MAF: variants seen among roughly 807,000 people sequenced by gnomAD.
The protein encoded by MAF is transcription factor Maf.
MAF carries 10 observed loss-of-function variants against 22.0 expected under a neutral mutation model. The ratio of observed to expected loss-of-function variants is 0.45; its 90% CI spans 0.28 to 0.77. The LOEUF (loss-of-function observed/expected upper bound fraction) is 0.77, where lower values mean the gene tolerates loss of function less well. Ranked by LOEUF, MAF falls within the 30% of genes least tolerant of loss-of-function variation. MAF has a pLI of 0.12. For missense variants in MAF, 544 were observed against 548.4 expected, an observed-to-expected ratio of 0.99 and a Z score of 0.08; for synonymous variants, 337 against 255.8, an observed-to-expected ratio of 1.32 and a Z score of -3.03.
chr16:79,574,422 A>G, the MAF span, among the ~76,000 whole-genome samples: 4 of 152,188 alleles, frequency 2.6e-5, no homozygotes, highest in African/African-American at 9.6e-5. Flanking sequence ...AACTAAATAC[A>G]TTATTCTCTT....
chr16:79,515,724 C>A, the MAF span, among the ~76,000 whole-genome samples: 7,457 of 152,200 alleles, frequency 0.049, 207 homozygotes, highest in South Asian at 0.062. Flanking sequence ...TGGGCATGAA[C>A]GTGAGACCTG....
chr16:79,525,684 G>C, the MAF span, among the ~76,000 whole-genome samples: 1 of 152,064 alleles, frequency 6.6e-6, no homozygotes, highest in East Asian at 1.9e-4. Context: ...AAACACACCT[G>C]GTGTTTAAAG....
the MAF span, among the ~76,000 whole-genome samples, chr16:79,300,153 C>A: frequency 1.3e-5 from 2 of 152,170 alleles, no homozygotes; most frequent in African/African-American, 4.8e-5. Flanking sequence ...TCATGTTAGG[C>A]ATAATGGCTA....
chr16:79,471,359 TA>T, the MAF span, among the ~76,000 whole-genome samples: 1 of 152,204 alleles, frequency 6.6e-6, no homozygotes, highest in African/African-American at 2.4e-5. Context: ...TTTCCAGATG[TA>T]AAAAACTAAG....
chr16:79,238,013 C>T, the MAF span, among the ~76,000 whole-genome samples: 1 of 152,082 alleles, frequency 6.6e-6, no homozygotes, highest in Non-Finnish European at 1.5e-5. Flanking sequence ...GCCTGTGTCA[C>T]CTTTTGACCT....
chr16:79,304,087 T>C, the MAF span, among the ~76,000 whole-genome samples: 1 of 152,196 alleles, frequency 6.6e-6, no homozygotes, highest in Non-Finnish European at 1.5e-5. Context: ...CAAGATGCAA[T>C]AACAAATACA....
chr16:79,238,564 G>C, the MAF span, among the ~76,000 whole-genome samples: 1 of 152,098 alleles, frequency 6.6e-6, no homozygotes, highest in South Asian at 2.1e-4. Flanking sequence ...GAAGCCTAAA[G>C]TCTCCCTGGG....
the MAF span, among the ~76,000 whole-genome samples, chr16:79,372,842 T>G: frequency 6.6e-6 from 1 of 152,164 alleles, no homozygotes; most frequent in Non-Finnish European, 1.5e-5. Context: ...GATTTTCCTT[T>G]CAGACACTCA....
downstream of MAF, among the ~76,000 whole-genome samples, chr16:79,584,472 C>G (rs2143685721): frequency 6.6e-6 from 1 of 152,346 alleles, no homozygotes; most frequent in African/African-American, 2.4e-5. Context: ...ATGTTCACAG[C>G]TGAAATTTGA....
chr16:79,422,197 C>T, the MAF span, among the ~76,000 whole-genome samples: 1 of 152,114 alleles, frequency 6.6e-6, no homozygotes, highest in African/African-American at 2.4e-5. Flanking sequence ...GGTTTCTCTG[C>T]TTTATTTTGT....
chr16:79,209,886 G>T, the MAF span, among the ~76,000 whole-genome samples: 1 of 152,188 alleles, frequency 6.6e-6, no homozygotes, highest in Non-Finnish European at 1.5e-5. Flanking sequence ...AGGAAATTTG[G>T]ATGACATGAA....
chr16:79,354,754 C>T, the MAF span, among the ~76,000 whole-genome samples: 25 of 152,248 alleles, frequency 1.6e-4, no homozygotes, highest in South Asian at 2.9e-3. Context: ...CCACTTTGAG[C>T]GGGATTTCCA....
the MAF span, among the ~76,000 whole-genome samples, chr16:79,389,247 C>T: frequency 6.6e-6 from 1 of 152,088 alleles, no homozygotes; most frequent in Admixed American, 6.5e-5. Flanking sequence ...GGCTGAAGAT[C>T]GCTCTTTATT....
chr16:79,241,259 T>C, the MAF span, among the ~76,000 whole-genome samples: 1 of 152,016 alleles, frequency 6.6e-6, no homozygotes, highest in East Asian at 1.9e-4. Flanking sequence ...TAAAGGAGCA[T>C]GTTCTAACCC....
the MAF span, among the ~76,000 whole-genome samples, chr16:79,403,746 A>T: frequency 6.6e-6 from 1 of 152,220 alleles, no homozygotes; most frequent in Non-Finnish European, 1.5e-5. Flanking sequence ...AACATAGGAA[A>T]AACATACGAT....
the MAF span, among the ~76,000 whole-genome samples, chr16:79,386,600 G>A: frequency 6.6e-6 from 1 of 152,090 alleles, no homozygotes; most frequent in South Asian, 2.1e-4. Flanking sequence ...CGGTGGATGG[G>A]GACTCCTGTA....
At chr16:79,228,007 G>A in the MAF span, among the ~76,000 whole-genome samples, 6 of 152,054 alleles carry the variant, frequency 3.9e-5, no homozygotes, top group Admixed American at 2.6e-4. Context: ...GCGCTCAAGC[G>A]ATCCTCTCAC....
the MAF span, among the ~76,000 whole-genome samples, chr16:79,573,113 A>T: frequency 6.6e-6 from 1 of 152,068 alleles, no homozygotes. Context: ...ACATTTTCCT[A>T]TTAGGTCATT....
the MAF span, among the ~76,000 whole-genome samples, chr16:79,470,232 A>G: frequency 6.6e-6 from 1 of 152,212 alleles, no homozygotes; most frequent in East Asian, 1.9e-4. Context: ...CTTCCTTGAA[A>G]TGTCCCTTTC....
Sources: allele counts gnomAD v4.1 joint callset (sites outside exome capture counted in the v4.1 genomes callset), GRCh38; gene constraint gnomAD v4.1.1; transcripts MANE v1.5; gene names NCBI Gene and HGNC (gene_info 2026-07-23, HGNC 2026-07-21).